NUP153: variants seen among roughly 807,000 people sequenced by gnomAD.
The protein encoded by NUP153 is nuclear pore complex protein Nup153.
A neutral mutation model predicts 134.6 loss-of-function variants in NUP153; 27 were observed. That is an observed-to-expected ratio of 0.20 (90% CI 0.15 to 0.28). The LOEUF (loss-of-function observed/expected upper bound fraction) is 0.28, where lower values mean the gene tolerates loss of function less well. Among genes scored for constraint, NUP153 ranks in the 10% least tolerant of loss-of-function variants. The pLI is 1.00. For missense variants in NUP153, 1,821 were observed against 1,731.3 expected (o/e 1.05, Z -0.92); for synonymous variants, 640 against 623.5 (o/e 1.03, Z -0.40).
chr6:17,648,646 T>C (rs1766342329), intron 12 of NUP153, among the ~76,000 whole-genome samples: 1 of 150,846 alleles, frequency 6.6e-6, no homozygotes, highest in Non-Finnish European at 1.5e-5. Context: ...AAAAAAAAAT[T>C]TTTTTAATTA....
At chr6:17,652,990 T>C (rs868098357) in intron 11 of NUP153, among the ~76,000 whole-genome samples, 3 of 152,084 alleles carry the variant, frequency 2.0e-5, no homozygotes, top group African/African-American at 4.8e-5. Context: ...GACCACGCCA[T>C]TGTACTCCAG....
intron 1 of NUP153, among the ~76,000 whole-genome samples, chr6:17,691,850 T>C (rs1341743615): frequency 1.3e-5 from 2 of 152,118 alleles, no homozygotes; most frequent in East Asian, 1.9e-4. Flanking sequence ...ACCTGTGTCA[T>C]ACCAGGTAGA....
At chr6:17,682,766 A>C (rs569943086) in intron 2 of NUP153, among the ~76,000 whole-genome samples, 1 of 152,032 alleles carries the variant, frequency 6.6e-6, no homozygotes, top group Non-Finnish European at 1.5e-5. Context: ...AAAATACAAA[A>C]AATTAGCTGG....
At chr6:17,694,405 T>C (rs947116852) in intron 1 of NUP153, among the ~76,000 whole-genome samples, 1 of 152,132 alleles carries the variant, frequency 6.6e-6, no homozygotes, top group African/African-American at 2.4e-5. Context: ...ACGCCTGTAA[T>C]CCCAGCACTT....
chr6:17,648,233 C>T (rs1483059226), intron 12 of NUP153, among the ~76,000 whole-genome samples: 1 of 152,150 alleles, frequency 6.6e-6, no homozygotes, highest in African/African-American at 2.4e-5. Flanking sequence ...CACCTGTGAT[C>T]CCAGCACTTT....
chr6:17,692,734 T>A (rs1248847218), intron 1 of NUP153, among the ~76,000 whole-genome samples: 1 of 152,188 alleles, frequency 6.6e-6, no homozygotes, highest in African/African-American at 2.4e-5. Context: ...ATTATCAGCA[T>A]CATCCCAGGT....
chr6:17,690,625 A>C (rs1769218303), intron 1 of NUP153, among the ~76,000 whole-genome samples: 1 of 152,220 alleles, frequency 6.6e-6, no homozygotes, highest in South Asian at 2.1e-4. Context: ...AACCGATTTT[A>C]GGCAACAATT....
intron 1 of NUP153, among the ~76,000 whole-genome samples, chr6:17,701,660 C>CAA (rs60645337): frequency 7.7e-4 from 102 of 133,292 alleles, no homozygotes; most frequent in African/African-American, 2.7e-3. Context: ...GACTCCATCT[C>CAA]AAAAAAAAAA....
At chr6:17,641,016 G>A (rs1450176015) in intron 14 of NUP153, among the ~76,000 whole-genome samples, 3 of 152,168 alleles carry the variant, frequency 2.0e-5, no homozygotes, top group African/African-American at 7.2e-5. Context: ...GCTGCTAGCA[G>A]TAAGATGAGT....
chr6:17,671,306 T>C (rs534031732), intron 5 of NUP153, among the ~76,000 whole-genome samples: 236 of 152,274 alleles, frequency 1.5e-3, no homozygotes, highest in Middle Eastern at 6.8e-3. Flanking sequence ...GGGGTAATAA[T>C]GTTGGCCTCA....
chr6:17,628,575 G>T lies in NUP153; in HGVS notation c.3544+80C>A. On this transcript the variant is annotated intron_variant, in intron 18 of 21. Transcript: ENST00000262077. The surrounding 1 kb of genome is among the most constrained non-coding windows in gnomAD (Gnocchi z 5.4). ...AGTGTAAACCATTAATTGACTTGCTGCATCTGTCAAGGCAACTTGTAAAAC... is the reference window on the plus strand; with the variant it reads ...AGTGTAAACCATTAATTGACTTGCTTCATCTGTCAAGGCAACTTGTAAAAC... 1 of 700,964 alleles carries T rather than the reference G, an allele frequency of 1.4e-6. No homozygotes were observed. Among genetic ancestry groups the T allele is most frequent in the Non-Finnish European group, 2.0e-6 (1 of 509,040 alleles). 43.4% of individuals were successfully genotyped at this position (700,964 alleles called of 1,614,324 possible).
intron 5 of NUP153, among the ~76,000 whole-genome samples, chr6:17,670,935 C>T (rs80068577): frequency 0.041 from 6,211 of 152,070 alleles, 390 homozygotes; most frequent in East Asian, 0.29. Context: ...CTCAGCCTCC[C>T]GAGTAGCTGG....
In NUP153 at chr6:17,675,312, G is replaced by A. The variant is rs1247797355; in HGVS notation, c.640C>T (p.Arg214Cys). The A allele has an allele frequency of 8.7e-6, 14 of 1,614,028 alleles. No homozygotes were observed. The highest frequency in any genetic ancestry group is 1.6e-4 in the Middle Eastern group (1 of 6,062). Residue 214 changes from arginine to cysteine, a missense_variant, in exon 4 of 22, where the codon CGT becomes TGT. Arg to Cys is a radical substitution (Grantham distance 180). Transcript: ENST00000262077. This position sits in a 1 kb window ranked among gnomAD's most constrained non-coding sequence, Gnocchi z 4.4. ...GTGTGCTGTGAGAGTGAGTGAGAAC[G>A]TTCAGCTTCTGGGGACCACAGAGGT... ...LPPLWSPEAERSHSLSQHTAT... is the reference protein window; with the variant it reads ...LPPLWSPEAECSHSLSQHTAT...
intron 11 of NUP153, among the ~76,000 whole-genome samples, chr6:17,652,398 T>G (rs538382676): frequency 6.6e-6 from 1 of 152,158 alleles, no homozygotes; most frequent in Admixed American, 6.5e-5. Context: ...TATTAGGAAA[T>G]TCAATACATT....
intron 1 of NUP153, among the ~76,000 whole-genome samples, chr6:17,703,893 C>T (rs1009004394): frequency 2.0e-5 from 3 of 152,206 alleles, no homozygotes; most frequent in African/African-American, 7.2e-5. Flanking sequence ...CAAAACTACA[C>T]AGCCTGAAGT....
rs764432114 is a variant in NUP153, at chr6:17,661,826, C to T, written c.1269-47G>A. 6.4e-6 allele frequency: 10 copies of T among 1,559,738 alleles called. No individual in the cohort carries two copies. The South Asian group carries it at 1.1e-4, about 17-fold the overall frequency. On this transcript the variant is annotated intron_variant, in intron 10 of 21. Transcript: ENST00000262077. The stretch of plus-strand genomic sequence containing the variant: ...AAAACAACTGATATATTATTGTGGT[C>T]CATAACTTGTTAACTAGAACTGCTA...
chr6:17,670,771 T>C (rs932395118), intron 5 of NUP153, among the ~76,000 whole-genome samples: 36 of 152,200 alleles, frequency 2.4e-4, no homozygotes, highest in African/African-American at 7.2e-4. Context: ...GTTCATATAG[T>C]ACTCTTTAGA....
intron 9 of NUP153, 143 bp from the exon 10 acceptor site, chr6:17,662,213 C>A: frequency 2.8e-6 from 2 of 705,596 alleles, no homozygotes; most frequent in Non-Finnish European, 4.8e-6. Context: ...TGAAATTACA[C>A]CCTGCCTTCT....
intron 12 of NUP153, 141 bp downstream of exon 12, chr6:17,649,022 A>G: frequency 1.3e-6 from 1 of 787,722 alleles, no homozygotes; most frequent in Non-Finnish European, 1.9e-6. Flanking sequence ...TAAAAAAGCA[A>G]AACAGCATTT....
Sources: allele counts gnomAD v4.1 joint callset (sites outside exome capture counted in the v4.1 genomes callset), GRCh38; gene constraint gnomAD v4.1.1; non-coding constraint Gnocchi (gnomAD v3.1); transcripts MANE v1.5; gene names NCBI Gene and HGNC (gene_info 2026-07-23, HGNC 2026-07-21).